The following LRRC7 variants were observed in gnomAD, a reference collection of about 807,000 sequenced individuals.
LRRC7 encodes the protein leucine rich repeat containing 7.
A neutral mutation model predicts 175.7 loss-of-function variants in LRRC7; 23 were observed. The observed-to-expected ratio is 0.13, with a 90% CI of 0.09 to 0.19. LRRC7 has a LOEUF of 0.19. Among genes scored for constraint, LRRC7 ranks in the 10% least tolerant of loss-of-function variants. LRRC7 has a pLI of 1.00. For synonymous variants in LRRC7, 685 were observed against 680.9 expected (o/e 1.01, Z -0.09); for missense variants, 1,354 against 1,904.7 (o/e 0.71, Z 5.38).
At chr1:69,897,663 G>C (rs1192760452) in intron 7 of LRRC7, among the ~76,000 whole-genome samples, 1 of 151,780 alleles carries the variant, frequency 6.6e-6, no homozygotes, top group Non-Finnish European at 1.5e-5. Context: ...TAAGTACAAA[G>C]GGACAGCAAA....
At chr1:70,042,643 CATATGTCTG>C (rs1660009930) in intron 21 of LRRC7, among the ~76,000 whole-genome samples, 1 of 152,146 alleles carries the variant, frequency 6.6e-6, no homozygotes, top group Admixed American at 6.5e-5. Flanking sequence ...AACATGAACC[CATATGTCTG>C]AGACTGCTTC....
chr1:70,012,886 T>C, intron 12 of LRRC7, 88 bp from the exon 13 acceptor site: 1 of 596,254 alleles, frequency 1.7e-6, no homozygotes, highest in South Asian at 2.8e-5. Context: ...TAAGAAAATC[T>C]ACTAAATTGT....
chr1:69,898,080 G>T (rs1481163098), intron 7 of LRRC7, among the ~76,000 whole-genome samples: 1 of 152,192 alleles, frequency 6.6e-6, no homozygotes, highest in African/African-American at 2.4e-5. Context: ...ATGTAGATGA[G>T]AAAGGATGTG....
chr1:70,043,639 G>A (rs1660097743), intron 21 of LRRC7, among the ~76,000 whole-genome samples: 1 of 152,168 alleles, frequency 6.6e-6, no homozygotes, highest in African/African-American at 2.4e-5. Flanking sequence ...TACCACAGAC[G>A]AATAATACTT....
chr1:69,859,891 T>C (rs1191808149), intron 7 of LRRC7, among the ~76,000 whole-genome samples: 1 of 152,010 alleles, frequency 6.6e-6, no homozygotes, highest in Non-Finnish European at 1.5e-5. Context: ...GTGTTAATAT[T>C]TGTAGAAATT....
chr1:69,579,332 TC>T (rs1458456932), intron 1 of LRRC7, among the ~76,000 whole-genome samples: 1 of 152,138 alleles, frequency 6.6e-6, no homozygotes, highest in Non-Finnish European at 1.5e-5. Flanking sequence ...AACTTCAGAA[TC>T]CCTTGGTTAC....
chr1:69,938,602 A>G (rs1648293363), intron 8 of LRRC7, among the ~76,000 whole-genome samples: 1 of 152,066 alleles, frequency 6.6e-6, no homozygotes, highest in African/African-American at 2.4e-5. Context: ...GAGACAGTCG[A>G]GTACTTATGC....
At chr1:69,568,700 C>A in intron 1 of LRRC7, 59 bp downstream of exon 1, 1 of 444,100 alleles carries the variant, frequency 2.3e-6, no homozygotes, top group South Asian at 3.3e-5. Flanking sequence ...GCCGCGGCGA[C>A]CGTAGGCGCG....
At chr1:69,592,802 T>C (rs1646691053) in intron 1 of LRRC7, among the ~76,000 whole-genome samples, 1 of 152,092 alleles carries the variant, frequency 6.6e-6, no homozygotes, top group South Asian at 2.1e-4. Flanking sequence ...AAAATTTATA[T>C]TCCCAATTTT....
At chr1:70,113,081 C>T (rs1665628092) in intron 26 of LRRC7, among the ~76,000 whole-genome samples, 2 of 152,182 alleles carry the variant, frequency 1.3e-5, no homozygotes, top group Non-Finnish European at 2.9e-5. Context: ...ATTCAAGGCT[C>T]AGAATGGGAG....
chr1:70,015,236 C>G (rs1656863462), intron 13 of LRRC7, among the ~76,000 whole-genome samples: 1 of 151,868 alleles, frequency 6.6e-6, no homozygotes, highest in South Asian at 2.1e-4. Flanking sequence ...TTTATTAGCT[C>G]AGAAAGGTTA....
At chr1:69,688,888 A>C (rs1661510128) in intron 2 of LRRC7, among the ~76,000 whole-genome samples, 1 of 152,164 alleles carries the variant, frequency 6.6e-6, no homozygotes, top group Non-Finnish European at 1.5e-5. Context: ...AAGATTACTC[A>C]ACACTATATC....
At chr1:69,878,519 T>C (rs1217924300) in intron 7 of LRRC7, among the ~76,000 whole-genome samples, 1 of 152,162 alleles carries the variant, frequency 6.6e-6, no homozygotes, top group Admixed American at 6.5e-5. Context: ...GATGAGGTCA[T>C]TCAAGTCGTA....
Position 69,660,379 on chromosome 1 carries a change from T to C in LRRC7, c.3-18002T>C, listed in dbSNP as rs141599710. Among the ~76,000 whole-genome samples, 445 of 152,184 alleles carry C rather than the reference T, an allele frequency of 2.9e-3. 4 individuals carry two copies. The highest frequency in any genetic ancestry group is 4.4e-3 in the Non-Finnish European group (300 of 67,942). ...TGTTTATGCTTTTCTCACTAGTTAA[T>C]AGACAAACAGAAACAAAATCAGCAA... On this transcript the variant is annotated intron_variant, in intron 1 of 26. Coordinates refer to ENST00000651989, the MANE Select transcript of LRRC7 (RefSeq NM_001370785.2).
chr1:69,570,660 T>C (rs1256787934), intron 1 of LRRC7, among the ~76,000 whole-genome samples: 1 of 149,334 alleles, frequency 6.7e-6, no homozygotes, highest in Non-Finnish European at 1.5e-5. Context: ...TACCACGAGG[T>C]GTTTTTTGTT....
Position 69,718,321 on chromosome 1 carries a change from C to A in LRRC7, c.100+39843C>A, listed in dbSNP as rs1002260733. 2.9e-4 allele frequency among the ~76,000 whole-genome samples: 44 copies of A among 151,532 alleles called. 1 individual carries two copies. The highest frequency in any genetic ancestry group is 1.3e-4 in the Non-Finnish European group (9 of 67,650). On this transcript the variant is annotated intron_variant, in intron 2 of 26. Coordinates refer to ENST00000651989, the MANE Select transcript of LRRC7 (RefSeq NM_001370785.2). ...GTAGAGGTAGAGAAGAGAAGAAGAACTTGATTTGAAAGGAATATCTTCTTT... is the reference window on the plus strand; with the variant it reads ...GTAGAGGTAGAGAAGAGAAGAAGAAATTGATTTGAAAGGAATATCTTCTTT...
chr1:69,731,031 G>A (rs2100817076), intron 2 of LRRC7, among the ~76,000 whole-genome samples: 1 of 152,228 alleles, frequency 6.6e-6, no homozygotes, highest in East Asian at 1.9e-4. Flanking sequence ...GCCGGGTGCA[G>A]TGGCTCACAC....
intron 11 of LRRC7, among the ~76,000 whole-genome samples, chr1:69,996,868 A>C (rs1213029524): frequency 4.6e-5 from 7 of 152,022 alleles, no homozygotes; most frequent in South Asian, 2.1e-4. Context: ...CTTAGGATTG[A>C]CTTGGCAATG....
At chr1:70,089,169 T>G (rs1359010223) in intron 24 of LRRC7, among the ~76,000 whole-genome samples, 1 of 152,050 alleles carries the variant, frequency 6.6e-6, no homozygotes, top group Non-Finnish European at 1.5e-5. Context: ...CATTTTTCCT[T>G]TTTTTTACCC....
Sources: allele counts gnomAD v4.1 joint callset (sites outside exome capture counted in the v4.1 genomes callset), GRCh38; gene constraint gnomAD v4.1.1; transcripts MANE v1.5; gene names NCBI Gene and HGNC (gene_info 2026-07-23, HGNC 2026-07-21).